Variants in SORCS2 observed in about 807,000 individuals in gnomAD.
SORCS2 encodes VPS10 domain-containing receptor SorCS2.
A neutral mutation model predicts 141.6 loss-of-function variants in SORCS2; 100 were observed. The ratio of observed to expected loss-of-function variants is 0.71; its 90% CI spans 0.60 to 0.83. SORCS2 has a LOEUF of 0.83. Ranked by LOEUF, SORCS2 falls within the 40% of genes least tolerant of loss-of-function variation. The probability of loss-of-function intolerance (pLI) is 0.00; values close to 1 mark genes in which losing one functional copy is unlikely to be tolerated. For missense variants in SORCS2, 1,646 were observed against 1,560.2 expected (o/e 1.05, Z -0.93); for synonymous variants, 789 against 676.9 (o/e 1.17, Z -2.57).
chr4:7,195,494 C>T (rs113546869), intron 1 of SORCS2, among the ~76,000 whole-genome samples: 184 of 152,308 alleles, frequency 1.2e-3, no homozygotes, highest in African/African-American at 4.3e-3. Flanking sequence ...CACCCATTCT[C>T]TGGACTGGGC....
intron 1 of SORCS2, among the ~76,000 whole-genome samples, chr4:7,391,344 G>A (rs957602046): frequency 6.6e-6 from 1 of 152,164 alleles, no homozygotes; most frequent in South Asian, 2.1e-4. Flanking sequence ...TTGTGGGTCC[G>A]AGGCTGGTTA....
intron 9 of SORCS2, among the ~76,000 whole-genome samples, chr4:7,681,533 G>C (rs1723524503): frequency 6.6e-6 from 1 of 152,204 alleles, no homozygotes; most frequent in African/African-American, 2.4e-5. Context: ...AAAGGAATGC[G>C]ATTCCACTGA....
chr4:7,715,220 A>G lies in SORCS2; in HGVS notation c.2161A>G (p.Ser721Gly), dbSNP rs922925299. The G allele has an allele frequency of 6.2e-7, 1 of 1,613,934 alleles. No homozygotes were observed. The highest frequency in any genetic ancestry group is 8.5e-7 in the Non-Finnish European group (1 of 1,179,856). The change falls in exon 17 of 27, where the codon AGC becomes GGC. Residue 721 changes from serine (S) to glycine (G), a missense_variant. By Grantham distance (56) the Ser-to-Gly change is moderately conservative. Coordinates refer to ENST00000507866, the MANE Select transcript of SORCS2 (RefSeq NM_020777.3). ...GFERSSSSES[S>G]TNKCSANFWF... Reference sequence around the variant, plus strand: ...TGAGCGCTCCTCCTCCTCAGAGTCCAGCACCAACAAGTGCTCTGCCAACTT... The same window carrying G: ...TGAGCGCTCCTCCTCCTCAGAGTCCGGCACCAACAAGTGCTCTGCCAACTT...
At chr4:7,616,724 G>A (rs1426576732) in intron 3 of SORCS2, among the ~76,000 whole-genome samples, 1 of 152,206 alleles carries the variant, frequency 6.6e-6, no homozygotes, top group Non-Finnish European at 1.5e-5. Flanking sequence ...AGAACAACTT[G>A]GCTATTACAG....
chr4:7,417,684 CT>C (rs201615571), intron 2 of SORCS2, among the ~76,000 whole-genome samples: 2,887 of 152,336 alleles, frequency 0.019, 83 homozygotes, highest in African/African-American at 0.065. Context: ...ATCACTTCCC[CT>C]GACCCTGCTG....
intron 1 of SORCS2, among the ~76,000 whole-genome samples, chr4:7,384,713 C>T (rs947718705): frequency 1.9e-4 from 29 of 152,144 alleles, no homozygotes; most frequent in African/African-American, 6.3e-4. Flanking sequence ...CACACTGTGC[C>T]GGTTGCTCCC....
At chr4:7,487,976 C>G (rs1731096270) in intron 2 of SORCS2, among the ~76,000 whole-genome samples, 1 of 152,224 alleles carries the variant, frequency 6.6e-6, no homozygotes, top group Admixed American at 6.5e-5. Context: ...GCTCGCTCAT[C>G]AGCAAGTGCT....
At chr4:7,228,511 G>A (rs2108771983) in intron 1 of SORCS2, among the ~76,000 whole-genome samples, 1 of 152,336 alleles carries the variant, frequency 6.6e-6, no homozygotes, top group East Asian at 1.9e-4. Context: ...CTTGCCTTCT[G>A]CGTCCTCTCT....
chr4:7,256,919 A>G (rs1713921292), intron 1 of SORCS2, among the ~76,000 whole-genome samples: 1 of 152,106 alleles, frequency 6.6e-6, no homozygotes, highest in Non-Finnish European at 1.5e-5. Flanking sequence ...CACCGGCCCC[A>G]GCCACCCATT....
chr4:7,238,971 C>G (rs978858739), intron 1 of SORCS2, among the ~76,000 whole-genome samples: 7 of 152,336 alleles, frequency 4.6e-5, no homozygotes, highest in African/African-American at 1.7e-4. Flanking sequence ...GCATCTGCCC[C>G]AGCAGCTCCA....
At chr4:7,697,749 GA>G (rs1443588634) in intron 12 of SORCS2, among the ~76,000 whole-genome samples, 1 of 151,572 alleles carries the variant, frequency 6.6e-6, no homozygotes, top group Non-Finnish European at 1.5e-5. Context: ...ACACAGCAGT[GA>G]AAGAGAATAT....
In SORCS2 at chr4:7,513,042, C is replaced by G. The variant is rs531352339; in HGVS notation, c.549-18488C>G. Among the ~76,000 whole-genome samples, 4 of 152,300 alleles carry G rather than the reference C, an allele frequency of 2.6e-5. No individual in the cohort carries two copies. In the South Asian group the frequency reaches 8.3e-4, roughly 32 times the overall value. On this transcript the variant is annotated intron_variant, in intron 2 of 26. Coordinates refer to ENST00000507866, the MANE Select transcript of SORCS2 (RefSeq NM_020777.3). ...GGTGCTCAAAGGACCATAACCACTG[C>G]CTTCTCTGAGGGCAGAAGGAGAGGG...
intron 3 of SORCS2, among the ~76,000 whole-genome samples, chr4:7,597,231 C>T (rs1248162103): frequency 7.4e-6 from 1 of 134,518 alleles, no homozygotes; most frequent in Non-Finnish European, 1.6e-5. Context: ...GAGGCTATTG[C>T]AATAGGGAAG....
chr4:7,509,291 G>C (rs1465923913), intron 2 of SORCS2, among the ~76,000 whole-genome samples: 2 of 152,132 alleles, frequency 1.3e-5, no homozygotes, highest in African/African-American at 4.8e-5. Flanking sequence ...ATCAGTGTGG[G>C]CCACAGAGGG....
intron 1 of SORCS2, among the ~76,000 whole-genome samples, chr4:7,315,522 G>A (rs1368752201): frequency 7.0e-6 from 1 of 143,876 alleles, no homozygotes; most frequent in Non-Finnish European, 1.6e-5. Flanking sequence ...CCTGGACCTG[G>A]AGTAGCCCAG....
intron 1 of SORCS2, among the ~76,000 whole-genome samples, chr4:7,377,545 T>A (rs968241793): frequency 2.0e-5 from 3 of 152,234 alleles, no homozygotes; most frequent in African/African-American, 7.2e-5. Context: ...ATCATTAACT[T>A]TCAATCACTG....
intron 1 of SORCS2, among the ~76,000 whole-genome samples, chr4:7,316,660 A>C (rs568897821): frequency 2.0e-5 from 3 of 152,376 alleles, no homozygotes; most frequent in East Asian, 1.9e-4. Flanking sequence ...TTAGCTATTA[A>C]GGATGACAAG....
At chr4:7,223,260 C>T (rs934630389) in intron 1 of SORCS2, among the ~76,000 whole-genome samples, 7 of 151,504 alleles carry the variant, frequency 4.6e-5, no homozygotes, top group African/African-American at 1.7e-4. Flanking sequence ...TTGCATTTTT[C>T]TTCTGTGCAA....
chr4:7,490,443 T>A (rs1731249966), intron 2 of SORCS2, among the ~76,000 whole-genome samples: 1 of 152,146 alleles, frequency 6.6e-6, no homozygotes, highest in Non-Finnish European at 1.5e-5. Context: ...GAAAGGTCTC[T>A]GCCCCAGGAG....
Sources: gnomAD v4.1 joint callset for allele counts (sites outside exome capture counted in the v4.1 genomes callset) on GRCh38, gnomAD v4.1.1 for gene constraint, MANE v1.5 for transcripts, NCBI Gene and HGNC (gene_info 2026-07-23, HGNC 2026-07-21) for gene names.